SEZ6L2: variants seen among roughly 807,000 people sequenced by gnomAD.
The protein encoded by SEZ6L2 is seizure related 6 homolog like 2.
In SEZ6L2, 44 loss-of-function variants were observed where a neutral mutation model predicts 97.0. That is an observed-to-expected ratio of 0.45 (90% CI 0.36 to 0.58). The LOEUF (loss-of-function observed/expected upper bound fraction) is 0.58. SEZ6L2 is among the 20% of genes least tolerant of loss of function. The pLI is 0.00. For missense variants in SEZ6L2, 1,086 were observed against 1,233.3 expected (o/e 0.88, Z 1.79); for synonymous variants, 543 against 546.1 (o/e 0.99, Z 0.08).
chr16:29,878,514 C>T, intron 9 of SEZ6L2, 89 bp from the exon 10 acceptor site: 1 of 1,071,116 alleles, frequency 9.3e-7, no homozygotes, highest in Non-Finnish European at 1.2e-6. Context: ...ATGCGTGCAC[C>T]ACATCACCTC....
chr16:29,889,238 C>T (rs922342999), intron 5 of SEZ6L2, among the ~76,000 whole-genome samples: 12 of 152,096 alleles, frequency 7.9e-5, no homozygotes, highest in African/African-American at 2.9e-4. Context: ...GTCAGGAGTT[C>T]GAGACCAGCC....
chr16:29,887,074 A>C (rs2068156289), intron 7 of SEZ6L2, among the ~76,000 whole-genome samples: 1 of 150,956 alleles, frequency 6.6e-6, no homozygotes, highest in African/African-American at 2.4e-5. Context: ...CCAACTAATC[A>C]GGAGGCTGAG....
chr16:29,872,360 G>C, intron 16 of SEZ6L2, 49 bp downstream of exon 16: 1 of 1,604,692 alleles, frequency 6.2e-7, no homozygotes, highest in Non-Finnish European at 8.5e-7. Context: ...CCAGTGCCAG[G>C]CTCGCAAGAC....
intron 8 of SEZ6L2, among the ~76,000 whole-genome samples, chr16:29,883,159 C>T (rs1176491644): frequency 6.6e-6 from 1 of 152,188 alleles, no homozygotes; most frequent in African/African-American, 2.4e-5. Flanking sequence ...CTAGACCCTC[C>T]TATCTCTAAG....
At chr16:29,872,823 G>T in intron 14 of SEZ6L2, 80 bp from the exon 15 acceptor site, 1 of 1,231,270 alleles carries the variant, frequency 8.1e-7, no homozygotes, top group Non-Finnish European at 1.2e-6. Flanking sequence ...GCCCGGTGGG[G>T]CTGGGCTGGA....
chr16:29,877,016 G>C, intron 11 of SEZ6L2, 66 bp from the exon 12 acceptor site: 1 of 1,495,276 alleles, frequency 6.7e-7, no homozygotes, highest in South Asian at 1.2e-5. Context: ...CAGCCTCGGA[G>C]GCTTTGCTCT....
At chr16:29,874,189 A>G (rs2067849354) in intron 12 of SEZ6L2, among the ~76,000 whole-genome samples, 1 of 152,210 alleles carries the variant, frequency 6.6e-6, no homozygotes, top group Non-Finnish European at 1.5e-5. Flanking sequence ...GTTATATTTC[A>G]GGCTTCGTTT....
intron 8 of SEZ6L2, among the ~76,000 whole-genome samples, chr16:29,882,370 A>G (rs1297861261): frequency 6.6e-6 from 1 of 151,676 alleles, no homozygotes; most frequent in South Asian, 2.1e-4. Context: ...TGAGGTCAGG[A>G]GTTTGAGACC....
In SEZ6L2 at chr16:29,876,956, G is replaced by A. The variant is rs762732414; in HGVS notation, c.1910-6C>T. On this transcript the variant is annotated splice_polypyrimidine_tract_variant and splice_region_variant and intron_variant, in intron 11 of 17. Coordinates refer to ENST00000617533, the MANE Select transcript of SEZ6L2 (RefSeq NM_001243332.2). This position sits in a 1 kb window ranked among gnomAD's most constrained non-coding sequence, Gnocchi z 6.5. ...CGTGTCGTTCCTCGGGACCTCTGCA[G>A]GGGAGGGAAGGCGAGTTTGGAGGCT... is the stretch of plus-strand genomic sequence containing the variant. The A allele has an allele frequency of 3.1e-6, 5 of 1,590,184 alleles. No homozygotes were observed. The highest frequency in any genetic ancestry group is 3.4e-4 in the Middle Eastern group (2 of 5,946).
At chr16:29,880,123 T>C (rs1047422516) in intron 8 of SEZ6L2, 59 bp from the exon 9 acceptor site, 17 of 1,539,844 alleles carry the variant, frequency 1.1e-5, no homozygotes, top group Non-Finnish European at 1.3e-5. Context: ...GGATCTTAAA[T>C]TGGGGATGTG....
chr16:29,882,438 G>A (rs746979191), intron 8 of SEZ6L2, among the ~76,000 whole-genome samples: 65 of 151,948 alleles, frequency 4.3e-4, no homozygotes, highest in African/African-American at 1.5e-3. Flanking sequence ...TTAGCTGGGC[G>A]TGGTGGTACA....
At chr16:29,882,997 T>C (rs2068060230) in intron 8 of SEZ6L2, among the ~76,000 whole-genome samples, 1 of 152,208 alleles carries the variant, frequency 6.6e-6, no homozygotes, top group South Asian at 2.1e-4. Flanking sequence ...CTGTTTGCAC[T>C]TTAACACTCC....
chr16:29,885,425 A>G (rs916438473), intron 8 of SEZ6L2, among the ~76,000 whole-genome samples, 161 bp downstream of exon 8: 1 of 152,062 alleles, frequency 6.6e-6, no homozygotes, highest in African/African-American at 2.4e-5. Context: ...AGGGGTCCCT[A>G]GAAGAGATCC....
In SEZ6L2 at chr16:29,876,691, C is replaced by T. The variant is rs1336653415; in HGVS notation, c.2104+65G>A. The stretch of plus-strand genomic sequence containing the variant: ...AGAAAGCACGGGGGTCGGGACAGGA[C>T]AGGCCGACGACGGGGCCCACAGGGA... On this transcript the variant is annotated intron_variant, in intron 12 of 17. Transcript: ENST00000617533. The surrounding 1 kb of genome is among the most constrained non-coding windows in gnomAD (Gnocchi z 6.5). 3 of 1,432,184 alleles carry T rather than the reference C, an allele frequency of 2.1e-6. No homozygotes were observed. In the Admixed American group the frequency reaches 6.4e-5, roughly 31 times the overall value. The allele number at this position is 1,432,184 out of a possible 1,614,324, so 88.7% of individuals were successfully genotyped here.
chr16:29,897,599 C>G (rs942876523), intron 2 of SEZ6L2, among the ~76,000 whole-genome samples: 19 of 148,048 alleles, frequency 1.3e-4, no homozygotes, highest in Non-Finnish European at 2.8e-4. Flanking sequence ...GAATTTCCAT[C>G]TCTGTTTCTA....
chr16:29,891,660 C>T lies in SEZ6L2; in HGVS notation c.854-2935G>A, dbSNP rs547169787. On this transcript the variant is annotated intron_variant, in intron 5 of 17. Coordinates refer to ENST00000617533, the MANE Select transcript of SEZ6L2 (RefSeq NM_001243332.2). ...CGTCTCAAAAAAAAAAAAGGGCTAGCCTGGCTGATCAATGGGTGCAGCCAA... is the reference window on the plus strand; with the variant it reads ...CGTCTCAAAAAAAAAAAAGGGCTAGTCTGGCTGATCAATGGGTGCAGCCAA... Among the ~76,000 whole-genome samples, 3 of 152,016 alleles carry T rather than the reference C, an allele frequency of 2.0e-5. No individual in the cohort carries two copies. In the South Asian group the frequency reaches 6.2e-4, roughly 32 times the overall value.
chr16:29,887,565 G>T, intron 7 of SEZ6L2, 84 bp downstream of exon 7: 2 of 1,346,204 alleles, frequency 1.5e-6, no homozygotes, highest in Non-Finnish European at 2.0e-6. Context: ...GCCTGCTTCG[G>T]CCTCCCAAAG....
intron 5 of SEZ6L2, among the ~76,000 whole-genome samples, chr16:29,894,904 G>A (rs753251584): frequency 7.2e-5 from 11 of 152,110 alleles, no homozygotes; most frequent in Non-Finnish European, 1.0e-4. Flanking sequence ...TATAGGCCGG[G>A]CACAGTGGCT....
In SEZ6L2 at chr16:29,876,655, G is replaced by C. The variant is rs1018295253; in HGVS notation, c.2104+101C>G. 15 of 1,103,594 alleles carry C rather than the reference G, an allele frequency of 1.4e-5. No individual in the cohort carries two copies. The African/African-American group carries it at 2.4e-4, about 17-fold the overall frequency. The allele number at this position is 1,103,594 out of a possible 1,614,324, so 68.4% of individuals were successfully genotyped here. ...GATCCAGGAAGGACCCCGAGCGAAG[G>C]GATGGAACCCAGAAAGCACGGGGGT... is the stretch of plus-strand genomic sequence containing the variant. On this transcript the variant is annotated intron_variant, in intron 12 of 17. Transcript: ENST00000617533. This position sits in a 1 kb window ranked among gnomAD's most constrained non-coding sequence, Gnocchi z 6.5.
Sources: gnomAD v4.1 joint callset for allele counts (sites outside exome capture counted in the v4.1 genomes callset) on GRCh38, gnomAD v4.1.1 for gene constraint, Gnocchi (gnomAD v3.1) non-coding constraint, MANE v1.5 for transcripts, NCBI Gene and HGNC (gene_info 2026-07-23, HGNC 2026-07-21) for gene names.